The following RBFOX1 variants were observed in gnomAD, a reference collection of about 807,000 sequenced individuals.
The protein encoded by RBFOX1 is RNA binding protein fox-1 homolog 1.
Under a neutral mutation model 57.7 loss-of-function variants are expected in RBFOX1, and 8 were observed. That is an observed-to-expected ratio of 0.14 (90% CI 0.08 to 0.25). RBFOX1 has a LOEUF of 0.25. Among genes scored for constraint, RBFOX1 ranks in the 10% least tolerant of loss-of-function variants. RBFOX1 has a pLI of 1.00. For missense variants in RBFOX1, 611 were observed against 548.5 expected (o/e 1.11, Z -1.14); for synonymous variants, 326 against 222.4 (o/e 1.47, Z -4.15).
At chr16:5,697,907 G>T (rs938184043) in intron 3 of RBFOX1, among the ~76,000 whole-genome samples, 4 of 152,118 alleles carry the variant, frequency 2.6e-5, no homozygotes, top group Admixed American at 6.5e-5. Context: ...GGTTAAGAAA[G>T]TTCCCTACTG....
chr16:5,849,648 A>G (rs1322110204), intron 3 of RBFOX1, among the ~76,000 whole-genome samples: 1 of 152,056 alleles, frequency 6.6e-6, no homozygotes, highest in African/African-American at 2.4e-5. Context: ...CTGCTCACGG[A>G]GGCTGCTCTC....
At chr16:6,591,850 C>A (rs547462880) in intron 2 of RBFOX1, among the ~76,000 whole-genome samples, 17 of 150,058 alleles carry the variant, frequency 1.1e-4, no homozygotes, top group South Asian at 1.0e-3. Flanking sequence ...CATGAAGGAA[C>A]CCTTTTGAAA....
intron 3 of RBFOX1, among the ~76,000 whole-genome samples, chr16:6,865,594 A>C (rs1565635): frequency 0.24 from 36,828 of 152,066 alleles, 4,975 homozygotes; most frequent in Admixed American, 0.37. Flanking sequence ...ATTTTGTGAT[A>C]CATTATTTTT....
chr16:6,396,336 C>T (rs1290885891), intron 2 of RBFOX1, among the ~76,000 whole-genome samples: 1 of 152,004 alleles, frequency 6.6e-6, no homozygotes. Context: ...CCATGTGGTG[C>T]AAGGAAGACG....
In RBFOX1 at chr16:7,209,142, A is replaced by AAATAAT. The variant is rs60784195; in HGVS notation, c.27+157084_27+157089dup. Reference sequence around the variant, plus strand: ...AAACTCTGTCTCTACCAAAAATACAAAATAATAATAATAATAATAATAATA... The same window carrying AAATAAT: ...AAACTCTGTCTCTACCAAAAATACAAAATAATAATAATAATAATAATAATAATAATA... On this transcript the variant is annotated intron_variant, in intron 4 of 15. Transcript: ENST00000550418. 4.1e-3 allele frequency among the ~76,000 whole-genome samples: 576 copies of AAATAAT among 140,472 alleles called. 2 individuals are homozygous for AAATAAT. Among genetic ancestry groups the AAATAAT allele is most frequent in the South Asian group, 6.3e-3 (27 of 4,272 alleles). 92.2% of individuals were successfully genotyped at this position (140,472 alleles called of 152,430 possible).
chr16:5,980,393 A>G (rs1259764282), intron 4 of RBFOX1, among the ~76,000 whole-genome samples: 3 of 152,112 alleles, frequency 2.0e-5, no homozygotes, highest in Non-Finnish European at 2.9e-5. Context: ...GGGAAAGTGC[A>G]GATAGCGTCA....
chr16:5,777,873 C>A (rs991188144), intron 3 of RBFOX1, among the ~76,000 whole-genome samples: 1 of 152,190 alleles, frequency 6.6e-6, no homozygotes, highest in Non-Finnish European at 1.5e-5. Flanking sequence ...GAACCACGAT[C>A]ATAAGTAGGC....
intron 1 of RBFOX1, among the ~76,000 whole-genome samples, chr16:6,034,286 T>C (rs1276468069): frequency 1.7e-5 from 2 of 120,676 alleles, no homozygotes; most frequent in Non-Finnish European, 1.6e-5. Context: ...GAGCTGAGAT[T>C]GCGCCACTGC....
chr16:6,078,693 C>G (rs1355903663), intron 1 of RBFOX1, among the ~76,000 whole-genome samples: 2 of 152,222 alleles, frequency 1.3e-5, no homozygotes, highest in Non-Finnish European at 1.5e-5. Flanking sequence ...CTTGCAGCAA[C>G]ACCCTGCACG....
intron 4 of RBFOX1, among the ~76,000 whole-genome samples, chr16:7,199,469 A>T (rs1172278299): frequency 6.6e-6 from 1 of 152,202 alleles, no homozygotes; most frequent in Non-Finnish European, 1.5e-5. Context: ...CAGGCAGCGT[A>T]CGCCTGAAGG....
chr16:6,489,805 G>A lies in RBFOX1; in HGVS notation c.-63-164798G>A, dbSNP rs541373762. 3.2e-3 allele frequency among the ~76,000 whole-genome samples: 480 copies of A among 152,226 alleles called. 6 individuals are homozygous for A. The highest frequency in any genetic ancestry group is 0.011 in the African/African-American group (446 of 41,518). On this transcript the variant is annotated intron_variant, in intron 2 of 15. Transcript: ENST00000550418. The stretch of plus-strand genomic sequence containing the variant: ...AGGTCTTGTGAATTCTCTCTACCAT[G>A]ACCACCTCCAACAACAGCAAAAAAG...
intron 4 of RBFOX1, among the ~76,000 whole-genome samples, chr16:7,064,644 T>G (rs2055488261): frequency 6.6e-6 from 1 of 152,146 alleles, no homozygotes; most frequent in South Asian, 2.1e-4. Context: ...GGGAAGTAAA[T>G]TTCTGTTGTT....
intron 3 of RBFOX1, among the ~76,000 whole-genome samples, chr16:6,951,836 C>T (rs563481620): frequency 2.6e-5 from 4 of 152,092 alleles, no homozygotes; most frequent in African/African-American, 7.2e-5. Context: ...TGGGTTCAAG[C>T]GATTCTCCTG....
intron 1 of RBFOX1, among the ~76,000 whole-genome samples, chr16:5,428,875 T>C (rs79470007): frequency 0.018 from 2,673 of 152,262 alleles, 81 homozygotes; most frequent in African/African-American, 0.061. Context: ...TTTTTTTCCA[T>C]AGGACAGTCA....
At chr16:6,297,969 G>A (rs577082598) in intron 1 of RBFOX1, among the ~76,000 whole-genome samples, 1 of 152,330 alleles carries the variant, frequency 6.6e-6, no homozygotes, top group Admixed American at 6.5e-5. Context: ...AATTCTGTGT[G>A]TGACCCAGTT....
At chr16:7,364,603 C>T (rs1289797952) in intron 4 of RBFOX1, among the ~76,000 whole-genome samples, 1 of 142,738 alleles carries the variant, frequency 7.0e-6, no homozygotes, top group Non-Finnish European at 1.5e-5. Context: ...AAAAAAAAAA[C>T]TTGGATCCCA....
At chr16:5,365,260 G>C (rs1318129386) in intron 1 of RBFOX1, among the ~76,000 whole-genome samples, 1 of 152,128 alleles carries the variant, frequency 6.6e-6, no homozygotes, top group Non-Finnish European at 1.5e-5. Flanking sequence ...ATTTAATGTT[G>C]ATCAACTTGG....
chr16:7,003,513 A>G (rs1266725980), intron 3 of RBFOX1, among the ~76,000 whole-genome samples: 3 of 152,058 alleles, frequency 2.0e-5, no homozygotes, highest in Non-Finnish European at 4.4e-5. Context: ...AAGCCCTGTT[A>G]AATCCTGCTC....
chr16:6,655,372 T>TTAAAAA (rs2098641136), intron 3 of RBFOX1, among the ~76,000 whole-genome samples: 1 of 17,104 alleles, frequency 5.8e-5, no homozygotes, highest in African/African-American at 1.7e-4. Context: ...AGCCTCCGTT[T>TTAAAAA]CAAAAAAAAA....
Sources: allele counts gnomAD v4.1 joint callset (sites outside exome capture counted in the v4.1 genomes callset), GRCh38; gene constraint gnomAD v4.1.1; transcripts MANE v1.5; gene names NCBI Gene and HGNC (gene_info 2026-07-23, HGNC 2026-07-21).